Variants in ALG9 observed in about 807,000 individuals in gnomAD.
The protein encoded by ALG9 is ALG9 alpha-1,2-mannosyltransferase, also known as alpha-1,2-mannosyltransferase ALG9.
Under a neutral mutation model 81.8 loss-of-function variants are expected in ALG9, and 55 were observed. The observed-to-expected ratio is 0.67, with a 90% CI of 0.54 to 0.84. ALG9 has a LOEUF of 0.84. Among genes scored for constraint, ALG9 ranks in the 40% least tolerant of loss-of-function variants. The pLI is 0.00. For synonymous variants in ALG9, 278 were observed against 274.3 expected (o/e 1.01, Z -0.13); for missense variants, 629 against 745.0 (o/e 0.84, Z 1.81).
intron 13 of ALG9, among the ~76,000 whole-genome samples, chr11:111,818,966 T>A (rs1951921287): frequency 6.6e-6 from 1 of 151,856 alleles, no homozygotes; most frequent in African/African-American, 2.4e-5. Context: ...AAGAAAGAAG[T>A]GGAAGCAGCC....
intron 8 of ALG9, among the ~76,000 whole-genome samples, chr11:111,851,710 C>T (rs1957861234): frequency 6.6e-6 from 1 of 152,136 alleles, no homozygotes; most frequent in Admixed American, 6.5e-5. Context: ...ACAATTTCTA[C>T]TGTGCAGTCT....
chr11:111,869,345 A>G (rs1291396645), intron 2 of ALG9, among the ~76,000 whole-genome samples: 2 of 152,206 alleles, frequency 1.3e-5, no homozygotes, highest in African/African-American at 2.4e-5. Context: ...AGAAAATTTT[A>G]CCTTTGAATT....
At chr11:111,849,416 G>C (rs1353280159) in intron 8 of ALG9, 2 of 152,120 alleles carry the variant, frequency 1.3e-5, no homozygotes, top group Admixed American at 6.6e-5. Context: ...GGCTTAGTAT[G>C]TTCTTACACA....
chr11:111,843,676 A>T (rs1232091232), intron 9 of ALG9, among the ~76,000 whole-genome samples: 1 of 152,196 alleles, frequency 6.6e-6, no homozygotes, highest in Non-Finnish European at 1.5e-5. Flanking sequence ...TGTCTTCCAT[A>T]AAAGAAATGA....
chr11:111,858,629 G>C (rs564190523), intron 5 of ALG9, among the ~76,000 whole-genome samples: 8 of 152,182 alleles, frequency 5.3e-5, no homozygotes, highest in Non-Finnish European at 1.2e-4. Flanking sequence ...AGAGGACAGA[G>C]TACAGGGTCT....
At chr11:111,860,667 G>A in intron 4 of ALG9, 32 bp from the exon 5 acceptor site, 1 of 1,494,314 alleles carries the variant, frequency 6.7e-7, no homozygotes, top group Non-Finnish European at 9.3e-7. Context: ...TCAGCATTGA[G>A]AATATTAGGA....
At chr11:111,774,639 A>G in the ALG9 span, among the ~76,000 whole-genome samples, 2 of 152,098 alleles carry the variant, frequency 1.3e-5, no homozygotes, top group Non-Finnish European at 2.9e-5. Flanking sequence ...AATTTCACCC[A>G]TTTTTCCACT....
chr11:111,857,995 G>C (rs941113817), intron 5 of ALG9: 5 of 407,600 alleles, frequency 1.2e-5, no homozygotes, highest in South Asian at 2.1e-5. Flanking sequence ...CTGGAGTGCA[G>C]TGGTGGGATC....
chr11:111,833,078 CATTAA>C (rs1350465804), intron 13 of ALG9, among the ~76,000 whole-genome samples: 1 of 152,072 alleles, frequency 6.6e-6, no homozygotes, highest in African/African-American at 2.4e-5. Context: ...TCTGCTTAAG[CATTAA>C]ATTAAAGTCA....
chr11:111,782,804 C>T lies in ALG9; in HGVS notation c.*3593G>A, dbSNP rs1555057774. Reference sequence around the variant, plus strand: ...CATATCAGGTTTTCAAGGTTCTTTCCTAGAACTCCAAAGTTGGAAAAATGA... The same window carrying T: ...CATATCAGGTTTTCAAGGTTCTTTCTTAGAACTCCAAAGTTGGAAAAATGA... On this transcript the variant is annotated 3_prime_UTR_variant, in exon 15 of 15. Coordinates refer to ENST00000616540, the MANE Select transcript of ALG9 (RefSeq NM_024740.2). The T allele has an allele frequency of 6.6e-6, 1 of 152,084 alleles. No homozygotes were observed. The highest frequency in any genetic ancestry group is 1.9e-4 in the East Asian group (1 of 5,204). The allele number at this position is 152,084 out of a possible 1,614,324, so 9.4% of individuals were successfully genotyped here.
chr11:111,842,399 TTAA>T (rs1555124792), intron 9 of ALG9, among the ~76,000 whole-genome samples: 1 of 152,084 alleles, frequency 6.6e-6, no homozygotes, highest in Non-Finnish European at 1.5e-5. Flanking sequence ...TTCCTGCTTC[TTAA>T]TAATTTTCTA....
At chr11:111,853,579 G>T in intron 7 of ALG9, 70 bp downstream of exon 7, 1 of 1,567,390 alleles carries the variant, frequency 6.4e-7, no homozygotes, top group Non-Finnish European at 8.8e-7. Flanking sequence ...AACTCCTGAT[G>T]TTCCTTTTTT....
intron 8 of ALG9, among the ~76,000 whole-genome samples, chr11:111,846,576 T>C (rs988757859): frequency 6.6e-6 from 1 of 152,196 alleles, no homozygotes; most frequent in Admixed American, 6.5e-5. Flanking sequence ...TCAGAGCTCA[T>C]AAATCAAGTT....
intron 13 of ALG9, among the ~76,000 whole-genome samples, chr11:111,832,138 C>T (rs1484467169): frequency 1.3e-5 from 2 of 152,242 alleles, no homozygotes; most frequent in East Asian, 1.9e-4. Context: ...TTTACTACTA[C>T]AAGCTGCAAT....
chr11:111,844,088 T>C (rs765553645), intron 9 of ALG9, among the ~76,000 whole-genome samples: 4 of 152,204 alleles, frequency 2.6e-5, no homozygotes, highest in Non-Finnish European at 4.4e-5. Flanking sequence ...CACTACAACC[T>C]CTGCCTCCTG....
intron 5 of ALG9, among the ~76,000 whole-genome samples, chr11:111,860,324 G>A (rs782729888): frequency 7.2e-5 from 11 of 152,148 alleles, no homozygotes; most frequent in Non-Finnish European, 1.5e-4. Context: ...GTGAGAAAAT[G>A]TTTTTCTTAC....
At chr11:111,768,093 A>G in the ALG9 span, among the ~76,000 whole-genome samples, 1 of 152,212 alleles carries the variant, frequency 6.6e-6, no homozygotes, top group African/African-American at 2.4e-5. Flanking sequence ...TAAAATGACA[A>G]TGATACTTTC....
intron 5 of ALG9, 57 bp from the exon 6 acceptor site, chr11:111,857,794 G>C (rs1958941107): frequency 3.1e-6 from 5 of 1,597,124 alleles, no homozygotes; most frequent in Admixed American, 1.7e-5. Flanking sequence ...GGTTAATTAG[G>C]TATCAATTAA....
In ALG9 at chr11:111,802,284, C is replaced by T. The variant is rs562533072; in HGVS notation, c.1733+7359G>A. Among the ~76,000 whole-genome samples the T allele has an allele frequency of 2.0e-5, 3 of 152,230 alleles. No homozygotes were observed. In the East Asian group the frequency reaches 5.8e-4, roughly 29 times the overall value. ...TTCATAGCAGCATTATTCCTAATAG[C>T]CAAAAAGTATAAATGATTGAAATGT... is the stretch of plus-strand genomic sequence containing the variant. On this transcript the variant is annotated intron_variant, in intron 14 of 14. Transcript: ENST00000616540.
Sources: gnomAD v4.1 joint callset for allele counts (sites outside exome capture counted in the v4.1 genomes callset) on GRCh38, gnomAD v4.1.1 for gene constraint, MANE v1.5 for transcripts, NCBI Gene and HGNC (gene_info 2026-07-23, HGNC 2026-07-21) for gene names.